The following PKD1L1 variants were observed in gnomAD, a reference collection of about 807,000 sequenced individuals.
PKD1L1 encodes the protein polycystin-1-like protein 1.
In PKD1L1, 236 loss-of-function variants were observed where a neutral mutation model predicts 323.4. The ratio of observed to expected loss-of-function variants is 0.73; its 90% CI spans 0.66 to 0.81. The LOEUF (loss-of-function observed/expected upper bound fraction) is 0.81. Among genes scored for constraint, PKD1L1 ranks in the 40% least tolerant of loss-of-function variants. The probability of loss-of-function intolerance (pLI) is 0.00; values close to 1 mark genes in which losing one functional copy is unlikely to be tolerated. For missense variants in PKD1L1, 3,320 were observed against 3,508.0 expected (o/e 0.95, Z 1.35); for synonymous variants, 1,344 against 1,335.0 (o/e 1.01, Z -0.15).
At chr7:47,779,800 C>T (rs1347122870) in intron 56 of PKD1L1, among the ~76,000 whole-genome samples, 2 of 152,090 alleles carry the variant, frequency 1.3e-5, no homozygotes, top group Non-Finnish European at 2.9e-5. Flanking sequence ...AGCTCAGATG[C>T]CTTCATGCTT....
Position 47,836,997 on chromosome 7 carries a change from C to T in PKD1L1, c.5867G>A (p.Arg1956His), listed in dbSNP as rs777027335. 1.2e-5 allele frequency: 19 copies of T among 1,614,022 alleles called. No homozygotes were observed. Among genetic ancestry groups the T allele is most frequent in the East Asian group, 8.9e-5 (4 of 44,894 alleles). Residue 1956 changes from arginine (R) to histidine (H), a missense_variant, in exon 37 of 57, where the codon CGC becomes CAC. Coordinates refer to ENST00000289672, the MANE Select transcript of PKD1L1 (RefSeq NM_138295.5). ...CAGCAGGGAGAAGGACACGGTGAGGCGCGGCGTGTGCAGGTAGCGGCTGGA... is the reference window on the plus strand; with the variant it reads ...CAGCAGGGAGAAGGACACGGTGAGGTGCGGCGTGTGCAGGTAGCGGCTGGA... ...PSSSRYLHTPRLTVSFSLLCV... is the reference protein window; with the variant it reads ...PSSSRYLHTPHLTVSFSLLCV...
At chr7:47,830,726 C>T (rs1369810831) in intron 42 of PKD1L1, among the ~76,000 whole-genome samples, 1 of 152,168 alleles carries the variant, frequency 6.6e-6, no homozygotes, top group Non-Finnish European at 1.5e-5. Flanking sequence ...CACTGAGTGA[C>T]CCTGGGGTCT....
intron 38 of PKD1L1, 34 bp downstream of exon 38, chr7:47,835,099 G>A (rs1157073912): frequency 1.2e-6 from 2 of 1,606,994 alleles, no homozygotes; most frequent in East Asian, 2.2e-5. Flanking sequence ...GGGCTGCTCA[G>A]GAGAACAGGG....
At chr7:47,882,996 G>T (rs1205210013) in intron 19 of PKD1L1, among the ~76,000 whole-genome samples, 1 of 152,196 alleles carries the variant, frequency 6.6e-6, no homozygotes, top group Non-Finnish European at 1.5e-5. Context: ...TGAAACCAAG[G>T]TCACTGAAGC....
chr7:47,945,550 C>T (rs1396749467), intron 1 of PKD1L1, among the ~76,000 whole-genome samples: 1 of 152,138 alleles, frequency 6.6e-6, no homozygotes, highest in Non-Finnish European at 1.5e-5. Flanking sequence ...CTATGCTTGT[C>T]TTCCAAAGGC....
chr7:47,948,720 G>A (rs964063679), upstream of PKD1L1, among the ~76,000 whole-genome samples: 1 of 152,194 alleles, frequency 6.6e-6, no homozygotes, highest in Non-Finnish European at 1.5e-5. Context: ...CAATTTGGGA[G>A]GCCAAGGTGG....
At chr7:47,880,267 T>TAGATAGATAGATAG (rs1786514922) in intron 21 of PKD1L1, among the ~76,000 whole-genome samples, 1 of 77,558 alleles carries the variant, frequency 1.3e-5, no homozygotes, top group African/African-American at 7.3e-5. Context: ...TATATATACA[T>TAGATAGATAGATAG]ATATATATAT....
intron 46 of PKD1L1, among the ~76,000 whole-genome samples, chr7:47,819,294 T>C (rs1785088999): frequency 6.6e-6 from 1 of 152,186 alleles, no homozygotes; most frequent in African/African-American, 2.4e-5. Flanking sequence ...CACATCAATC[T>C]CATGTGCACC....
intron 51 of PKD1L1, 57 bp from the exon 52 acceptor site, chr7:47,808,444 A>G (rs1326890330): frequency 6.9e-6 from 11 of 1,597,768 alleles, no homozygotes; most frequent in Non-Finnish European, 9.4e-6. Flanking sequence ...CTTACCTGGC[A>G]CCCCATGTGA....
At chr7:47,815,541 A>C in intron 46 of PKD1L1, 84 bp from the exon 47 acceptor site, 1 of 1,466,722 alleles carries the variant, frequency 6.8e-7, no homozygotes, top group Non-Finnish European at 9.3e-7. Flanking sequence ...TTTTCTTGCC[A>C]ATTTTTCTCT....
Position 47,829,414 on chromosome 7 carries a change from AT to A in PKD1L1, c.6735+10del, listed in dbSNP as rs757413045. On this transcript the variant is annotated intron_variant, in intron 44 of 56. Coordinates refer to ENST00000289672, the MANE Select transcript of PKD1L1 (RefSeq NM_138295.5). ...AATCTCAATTTGCACTGCATAGGTA[AT>A]TTTTTTTACTTTTTCAACCTCGCCT... The A allele has an allele frequency of 2.6e-5, 41 of 1,583,816 alleles. No individual in the cohort carries two copies. The highest frequency in any genetic ancestry group is 3.4e-4 in the Middle Eastern group (2 of 5,904).
At chr7:47,842,870 GAC>G (rs1230965108) in intron 34 of PKD1L1, 90 bp downstream of exon 34, 1 of 1,218,170 alleles carries the variant, frequency 8.2e-7, no homozygotes, top group Non-Finnish European at 1.1e-6. Flanking sequence ...TGTGACAGGT[GAC>G]AGACGGGGCA....
upstream of PKD1L1, among the ~76,000 whole-genome samples, chr7:47,949,720 A>G (rs1459602673): frequency 6.6e-6 from 1 of 152,204 alleles, no homozygotes; most frequent in African/African-American, 2.4e-5. Flanking sequence ...CTCCACTCTG[A>G]AGAGAGTGAT....
Position 47,847,773 on chromosome 7 carries a change from G to C in PKD1L1, c.4961-702C>G, listed in dbSNP as rs113345110. Among the ~76,000 whole-genome samples, 66 of 152,158 alleles carry C rather than the reference G, an allele frequency of 4.3e-4. 1 individual carries two copies. The highest frequency in any genetic ancestry group is 1.6e-3 in the African/African-American group (65 of 41,514). ...GAAAAAACAAAAACAAACTGCACAA[G>C]TACTGAGGAACACATGAATGACTTC... On this transcript the variant is annotated intron_variant, in intron 31 of 56. Coordinates refer to ENST00000289672, the MANE Select transcript of PKD1L1 (RefSeq NM_138295.5).
At chr7:47,775,245 G>A in intron 56 of PKD1L1, 79 bp from the exon 57 acceptor site, 1 of 1,561,920 alleles carries the variant, frequency 6.4e-7, no homozygotes, top group African/African-American at 1.4e-5. Context: ...CAGAAAGGCA[G>A]CAAGTGCTGA....
In PKD1L1 at chr7:47,927,165, A is replaced by G. The variant is rs1469320368; in HGVS notation, c.1060+2039T>C. Among the ~76,000 whole-genome samples, 6 of 152,326 alleles carry G rather than the reference A, an allele frequency of 3.9e-5. No individual in the cohort carries two copies. The East Asian group carries it at 1.2e-3, about 29-fold the overall frequency. ...ATAAAACTCAGAAACCATGAAAAAAAGGTTGATAAAGTATACTTAATAAAA... is the reference window on the plus strand; with the variant it reads ...ATAAAACTCAGAAACCATGAAAAAAGGGTTGATAAAGTATACTTAATAAAA... On this transcript the variant is annotated intron_variant, in intron 7 of 56. Coordinates refer to ENST00000289672, the MANE Select transcript of PKD1L1 (RefSeq NM_138295.5).
At chr7:47,879,550 T>C (rs1276798185) in intron 21 of PKD1L1, among the ~76,000 whole-genome samples, 3 of 141,192 alleles carry the variant, frequency 2.1e-5, no homozygotes, top group Non-Finnish European at 4.7e-5. Context: ...GGAGAATCAC[T>C]TGAACCTGGG....
At chr7:47,880,167 TAGAGAG>T (rs56742103) in intron 21 of PKD1L1, among the ~76,000 whole-genome samples, 1 of 133,130 alleles carries the variant, frequency 7.5e-6, no homozygotes, top group Non-Finnish European at 1.6e-5. Flanking sequence ...AGGGTTTAAA[TAGAGAG>T]AGAGAGAGAG....
intron 26 of PKD1L1, among the ~76,000 whole-genome samples, chr7:47,862,343 G>A (rs1360650711): frequency 2.6e-5 from 4 of 152,160 alleles, no homozygotes; most frequent in African/African-American, 7.2e-5. Context: ...ACCTAGACTG[G>A]AGGTTGTTGG....
Sources: allele counts gnomAD v4.1 joint callset (sites outside exome capture counted in the v4.1 genomes callset), GRCh38; gene constraint gnomAD v4.1.1; transcripts MANE v1.5; gene names NCBI Gene and HGNC (gene_info 2026-07-23, HGNC 2026-07-21).